The following PDIA5 variants were observed in gnomAD, a reference collection of about 807,000 sequenced individuals.
PDIA5 encodes protein disulfide-isomerase A5.
PDIA5 carries 58 observed loss-of-function variants against 77.6 expected under a neutral mutation model. The observed-to-expected ratio is 0.75, with a 90% CI of 0.61 to 0.93. The LOEUF (loss-of-function observed/expected upper bound fraction) is 0.93, where lower values mean the gene tolerates loss of function less well. Among genes scored for constraint, PDIA5 ranks in the 40% least tolerant of loss-of-function variants. The pLI, the probability that PDIA5 is intolerant of heterozygous loss-of-function variation, is 0.00. For synonymous variants in PDIA5, 250 were observed against 252.1 expected, an observed-to-expected ratio of 0.99 and a Z score of 0.08; for missense variants, 630 against 647.7, an observed-to-expected ratio of 0.97 and a Z score of 0.30.
At chr3:123,078,230 G>T (rs531905160) in intron 1 of PDIA5, among the ~76,000 whole-genome samples, 1 of 152,162 alleles carries the variant, frequency 6.6e-6, no homozygotes, top group Non-Finnish European at 1.5e-5. Context: ...ACCAAACCAC[G>T]CAATGTCACA....
In PDIA5 at chr3:123,124,281, G is replaced by T; in HGVS notation, c.711G>T (p.Arg237=). The T allele has an allele frequency of 6.2e-7, 1 of 1,612,976 alleles. No individual in the cohort carries two copies. The highest frequency in any genetic ancestry group is 2.2e-5 in the East Asian group (1 of 44,876). The change falls in exon 10 of 17, where the codon CGG becomes CGT. Residue 237 remains arginine, a synonymous_variant. Coordinates refer to ENST00000316218, the MANE Select transcript of PDIA5 (RefSeq NM_006810.4). ...TCTCCACGTTTCACAGGAAAGGACGGTTCTTGTTCCAGTATGACAACTATG... is the reference window on the plus strand; with the variant it reads ...TCTCCACGTTTCACAGGAAAGGACGTTTCTTGTTCCAGTATGACAACTATG... ...FPTICYFEKG[R]FLFQYDNYGS...
intron 1 of PDIA5, among the ~76,000 whole-genome samples, chr3:123,072,617 G>C (rs563836686): frequency 4.6e-5 from 7 of 152,308 alleles, no homozygotes; most frequent in African/African-American, 1.2e-4. Flanking sequence ...TCCCAGGTAG[G>C]GGGGGTGGTG....
In PDIA5 at chr3:123,102,473, AG is replaced by A; in HGVS notation, c.322del (p.Val108LeufsTer19). 1 of 1,613,764 alleles carries A rather than the reference AG, an allele frequency of 6.2e-7. No homozygotes were observed. Among genetic ancestry groups the A allele is most frequent in the Non-Finnish European group, 8.5e-7 (1 of 1,179,584 alleles). On this transcript the variant is annotated frameshift_variant, in exon 4 of 17. Coordinates refer to ENST00000316218, the MANE Select transcript of PDIA5 (RefSeq NM_006810.4). LOFTEE classifies it high-confidence loss of function. Reference sequence around the variant, plus strand: ...GTTGACCTGAGCCCGAAGGACAAAAAGGTTGAATTATTCCATTACCAGTAAG... The same window carrying A: ...GTTGACCTGAGCCCGAAGGACAAAAAGTTGAATTATTCCATTACCAGTAAG... ...MKVDLSPKDK[K>X]VELFHYQDGA...
intron 15 of PDIA5, among the ~76,000 whole-genome samples, chr3:123,159,092 A>G (rs1231819686): frequency 6.6e-6 from 1 of 152,244 alleles, no homozygotes; most frequent in Non-Finnish European, 1.5e-5. Flanking sequence ...TATATTTCCA[A>G]TAGCTCCAGG....
chr3:123,074,315 A>G (rs895025359), intron 1 of PDIA5, among the ~76,000 whole-genome samples: 6 of 152,354 alleles, frequency 3.9e-5, no homozygotes, highest in African/African-American at 1.4e-4. Context: ...AGTGCTGGAA[A>G]GAGAAAGTGT....
chr3:123,075,230 T>A (rs982509858), intron 1 of PDIA5, among the ~76,000 whole-genome samples: 1 of 152,212 alleles, frequency 6.6e-6, no homozygotes, highest in Non-Finnish European at 1.5e-5. Flanking sequence ...CCAGTTCAAC[T>A]GCTGAGTGAG....
intron 11 of PDIA5, among the ~76,000 whole-genome samples, chr3:123,139,108 G>A (rs1029371570): frequency 1.3e-5 from 2 of 152,180 alleles, no homozygotes; most frequent in Non-Finnish European, 2.9e-5. Flanking sequence ...ACGGAAATCG[G>A]AGTAAGTGCA....
At chr3:123,160,272 G>A (rs1936128632) in intron 15 of PDIA5, among the ~76,000 whole-genome samples, 1 of 152,128 alleles carries the variant, frequency 6.6e-6, no homozygotes, top group South Asian at 2.1e-4. Context: ...CCTGGTGCAT[G>A]ACCCTCAACC....
At chr3:123,090,545 A>G (rs993751618) in intron 2 of PDIA5, among the ~76,000 whole-genome samples, 9 of 152,218 alleles carry the variant, frequency 5.9e-5, no homozygotes, top group Admixed American at 1.3e-4. Flanking sequence ...AGCTGGGAGT[A>G]GCGGACTTGT....
intron 7 of PDIA5, among the ~76,000 whole-genome samples, chr3:123,115,825 G>T (rs1934982017): frequency 6.6e-6 from 1 of 152,254 alleles, no homozygotes; most frequent in Non-Finnish European, 1.5e-5. Flanking sequence ...CAGCTCATTT[G>T]CAGGCCCTGC....
chr3:123,113,816 G>C (rs527883074), intron 7 of PDIA5, among the ~76,000 whole-genome samples: 1 of 152,108 alleles, frequency 6.6e-6, no homozygotes, highest in Non-Finnish European at 1.5e-5. Flanking sequence ...GGCTCCCCAG[G>C]ATCTACCGCT....
intron 1 of PDIA5, among the ~76,000 whole-genome samples, chr3:123,080,538 G>A (rs1217546004): frequency 6.6e-6 from 1 of 152,182 alleles, no homozygotes; most frequent in Non-Finnish European, 1.5e-5. Flanking sequence ...GGTGACCAAA[G>A]TACCTGATAA....
At chr3:123,158,968 G>A (rs1211134392) in intron 15 of PDIA5, among the ~76,000 whole-genome samples, 7 of 152,218 alleles carry the variant, frequency 4.6e-5, no homozygotes, top group Admixed American at 6.5e-5. Flanking sequence ...GAAAACGCGC[G>A]TGGATTCACC....
At chr3:123,087,392 T>C (rs1934169020) in intron 1 of PDIA5, among the ~76,000 whole-genome samples, 1 of 151,864 alleles carries the variant, frequency 6.6e-6, no homozygotes, top group Admixed American at 6.5e-5. Flanking sequence ...ATTTGGTTCT[T>C]GTGCTTAATG....
intron 7 of PDIA5, among the ~76,000 whole-genome samples, chr3:123,112,225 C>T (rs2107943096): frequency 6.6e-6 from 1 of 152,308 alleles, no homozygotes; most frequent in East Asian, 1.9e-4. Context: ...CCAGCAGTGT[C>T]AGTGTTTCCC....
chr3:123,149,053 G>A (rs1935828093), intron 13 of PDIA5, among the ~76,000 whole-genome samples: 1 of 152,224 alleles, frequency 6.6e-6, no homozygotes, highest in South Asian at 2.1e-4. Context: ...TGTCAGCCAT[G>A]GAACCAGAGA....
intron 11 of PDIA5, 121 bp from the exon 12 acceptor site, chr3:123,145,401 C>T: frequency 1.4e-6 from 1 of 690,392 alleles, no homozygotes; most frequent in South Asian, 1.8e-5. Flanking sequence ...TGAGCTGGTG[C>T]TGCTGCTGCT....
At position 123,126,258 on chromosome 3, in the gene PDIA5, G is replaced by A. The variant is rs113964314; in HGVS notation, c.773+1915G>A. Among the ~76,000 whole-genome samples the A allele has an allele frequency of 4.1e-3, 581 of 141,126 alleles. 3 individuals carry two copies. Among genetic ancestry groups the A allele is most frequent in the African/African-American group, 0.015 (557 of 38,132 alleles). The allele number at this position is 141,126 out of a possible 152,430, so 92.6% of individuals were successfully genotyped here. On this transcript the variant is annotated intron_variant, in intron 10 of 16. Transcript: ENST00000316218. ...ACACCCCATCCCGGCTCCCCCACCC[G>A]CATTGCTCCGGCTGGCCTGCACCCC...
chr3:123,117,374 T>TATAATATATATATATATATATATA (rs1935019779), intron 8 of PDIA5, among the ~76,000 whole-genome samples: 1 of 79,872 alleles, frequency 1.3e-5, no homozygotes, highest in African/African-American at 4.8e-5. Flanking sequence ...TTCTATGATT[T>TATAATATATATATATATATATATA]TATATATATA....
Sources: allele counts gnomAD v4.1 joint callset (sites outside exome capture counted in the v4.1 genomes callset), GRCh38; gene constraint gnomAD v4.1.1; transcripts MANE v1.5; gene names NCBI Gene and HGNC (gene_info 2026-07-23, HGNC 2026-07-21).